DNTTIP2: variants seen among roughly 807,000 people sequenced by gnomAD.
DNTTIP2 encodes deoxynucleotidyltransferase terminal interacting protein 2.
In DNTTIP2, 47 loss-of-function variants were observed where a neutral mutation model predicts 62.4. That is an observed-to-expected ratio of 0.75 (90% CI 0.60 to 0.96). The LOEUF (loss-of-function observed/expected upper bound fraction) is 0.96, where lower values mean the gene tolerates loss of function less well. Among genes scored for constraint, DNTTIP2 ranks in the 40% least tolerant of loss-of-function variants. DNTTIP2 has a pLI of 0.00. For missense variants in DNTTIP2, 870 were observed against 849.1 expected, an observed-to-expected ratio of 1.02 and a Z score of -0.31; for synonymous variants, 322 against 300.9, an observed-to-expected ratio of 1.07 and a Z score of -0.73.
In DNTTIP2 at chr1:93,876,617, A is replaced by G; in HGVS notation, c.1318T>C (p.Ser440Pro). 1 of 1,614,016 alleles carries G rather than the reference A, an allele frequency of 6.2e-7. No individual in the cohort carries two copies. Among genetic ancestry groups the G allele is most frequent in the Non-Finnish European group, 8.5e-7 (1 of 1,179,898 alleles). The part of the protein sequence containing the change: ...APNTSQGKDN[S>P]VLLVLSSDES... The stretch of plus-strand genomic sequence containing the variant: ...TCACTGCTGAGAACTAGTAAGACAG[A>G]ATTATCTTTACCCTGAGATGTGTTG... The change falls in exon 2 of 7, where the codon TCT (serine) becomes CCT (proline). Residue 440 changes from serine to proline, a missense_variant. Transcript: ENST00000436063.
In DNTTIP2 at chr1:93,870,773, T is replaced by C. The variant is rs781749324; in HGVS notation, c.2087A>G (p.Asn696Ser). The C allele has an allele frequency of 2.6e-6, 4 of 1,559,468 alleles. No homozygotes were observed. Among genetic ancestry groups the C allele is most frequent in the Non-Finnish European group, 3.5e-6 (4 of 1,148,882 alleles). Residue 696 changes from asparagine (N) to serine (S), a missense_variant, in exon 6 of 7, where the codon AAT (asparagine) becomes AGT (serine). Coordinates refer to ENST00000436063, the MANE Select transcript of DNTTIP2 (RefSeq NM_014597.5). Reference sequence around the variant, plus strand: ...TCGTGAATGGTAGAAATCAGCTGGATTGTCAACAATGGTTCCAATCTGTGA... The same window carrying C: ...TCGTGAATGGTAGAAATCAGCTGGACTGTCAACAATGGTTCCAATCTGTGA... ...KYFQIGTIVDNPADFYHSRIP... is the reference protein window; with the variant it reads ...KYFQIGTIVDSPADFYHSRIP...
In DNTTIP2 at chr1:93,869,545, T is replaced by C. The variant is rs191809334; in HGVS notation, c.*306A>G. On this transcript the variant is annotated 3_prime_UTR_variant, in exon 7 of 7. Transcript: ENST00000436063. ...TTAGCAAACTTTATACTTCCTATCT[T>C]TTAATTAAATTTTCTTTAAATAACT... 1.2e-5 allele frequency: 3 copies of C among 247,840 alleles called. No individual in the cohort carries two copies. The highest frequency in any genetic ancestry group is 4.5e-5 in the African/African-American group (2 of 44,298). 15.4% of individuals were successfully genotyped at this position (247,840 alleles called of 1,614,324 possible).
At position 93,866,747 on chromosome 1, in the gene DNTTIP2, A is replaced by G. The variant is rs1455281439; in HGVS notation, c.*3104T>C. 6.6e-6 allele frequency: 1 copy of G among 152,200 alleles called. No individual in the cohort carries two copies. Among genetic ancestry groups the G allele is most frequent in the African/African-American group, 2.4e-5 (1 of 41,440 alleles). The allele number at this position is 152,200 out of a possible 1,614,324, so 9.4% of individuals were successfully genotyped here. ...GTTTCTCTAGAGCAGTTGGTTTATC[A>G]TACAGCAGAACACTGAACACAGAAC... On this transcript the variant is annotated 3_prime_UTR_variant, in exon 7 of 7. Coordinates refer to ENST00000436063, the MANE Select transcript of DNTTIP2 (RefSeq NM_014597.5).
rs755451451 is a variant in DNTTIP2 at position 93,873,163 on chromosome 1, G to A, written c.1858C>T (p.Pro620Ser). The A allele has an allele frequency of 5.0e-6, 8 of 1,612,526 alleles. No individual in the cohort carries two copies. The Middle Eastern group carries it at 8.3e-4, about 166-fold the overall frequency. Residue 620 changes from proline (P) to serine (S), a missense_variant, in exon 4 of 7, where the codon CCA (proline) becomes TCA (serine). By Grantham distance (74) the Pro-to-Ser change is moderately conservative. Transcript: ENST00000436063. ...TPDFEKNHCVPPYSESKYQLQ... is the reference protein window; with the variant it reads ...TPDFEKNHCVSPYSESKYQLQ... ...TGATACTTTGATTCACTATATGGTG[G>A]AACACAGTGGTTTTTTTCAAAATCA...
chr1:93,873,440 A>G lies in DNTTIP2; in HGVS notation c.1807-226T>C, dbSNP rs541630129. The G allele has an allele frequency of 4.4e-4, 161 of 369,302 alleles. 1 individual carries two copies. The Middle Eastern group carries it at 5.0e-3, about 12-fold the overall frequency. The allele number at this position is 369,302 out of a possible 1,614,324, so 22.9% of individuals were successfully genotyped here. A position where few individuals can be genotyped will look rare whatever the true frequency, so the allele number is the denominator to read the frequency against. ...GACCCTGACTGTAAAAAAAAAAAAA[A>G]AAAGAAAAGAAATTAGTTGGGCATG... is the stretch of plus-strand genomic sequence containing the variant. On this transcript the variant is annotated intron_variant, in intron 3 of 6. Coordinates refer to ENST00000436063, the MANE Select transcript of DNTTIP2 (RefSeq NM_014597.5).
rs746122467 is a variant in DNTTIP2 at position 93,877,617 on chromosome 1, T to C, written c.318A>G (p.Val106=). The C allele has an allele frequency of 5.6e-6, 9 of 1,613,918 alleles. No individual in the cohort carries two copies. The African/African-American group carries it at 1.1e-4, about 19-fold the overall frequency. ...CAATTAAGATCTGCCTTCTCCTAGT[T>C]ACCCTTAAAATGGTATCATGGTGCT... ...VSEHHDTILR[V]TRRRQILIAC... The change falls in exon 2 of 7, where the codon GTA becomes GTG. Residue 106 remains valine, a synonymous_variant. Transcript: ENST00000436063.
In DNTTIP2 at chr1:93,876,756, A is replaced by C. The variant is rs1571185663; in HGVS notation, c.1179T>G (p.Asp393Glu). ...CTTCTTCATCATCACTACCACCACA[A>C]TCACCAAACTTTGTCAAGTCACTTG... The part of the protein sequence containing the change: ...IKASDLTKFG[D>E]CGGSDDEEES... Residue 393 changes from aspartate to glutamate, a missense_variant, in exon 2 of 7, where the codon GAT becomes GAG. Coordinates refer to ENST00000436063, the MANE Select transcript of DNTTIP2 (RefSeq NM_014597.5). 6.2e-7 allele frequency: 1 copy of C among 1,613,942 alleles called. No individual in the cohort carries two copies.
Position 93,867,580 on chromosome 1 carries a change from C to CA in DNTTIP2, c.*2270dup, listed in dbSNP as rs1198583847. The CA allele has an allele frequency of 0.039, 3,101 of 80,070 alleles. 94 individuals are homozygous for CA. Among genetic ancestry groups the CA allele is most frequent in the African/African-American group, 0.11 (2,634 of 23,090 alleles). The allele number at this position is 80,070 out of a possible 1,614,324, so 5.0% of individuals were successfully genotyped here. A position where few individuals can be genotyped will look rare whatever the true frequency, so the allele number is the denominator to read the frequency against. On this transcript the variant is annotated 3_prime_UTR_variant, in exon 7 of 7. Coordinates refer to ENST00000436063, the MANE Select transcript of DNTTIP2 (RefSeq NM_014597.5). ...ACCTGGGTGATGGAGTGAGACGTCTCAAAAAAAAAAAAAAAAGTTCCAGTA... is the reference window on the plus strand; with the variant it reads ...ACCTGGGTGATGGAGTGAGACGTCTCAAAAAAAAAAAAAAAAAGTTCCAGTA...
rs1333371821 is a variant in DNTTIP2 at position 93,868,930 on chromosome 1, T to C, written c.*921A>G. 1 of 151,486 alleles carries C rather than the reference T, an allele frequency of 6.6e-6. No individual in the cohort carries two copies. Among genetic ancestry groups the C allele is most frequent in the East Asian group, 1.9e-4 (1 of 5,172 alleles). 9.4% of individuals were successfully genotyped at this position (151,486 alleles called of 1,614,324 possible). On this transcript the variant is annotated 3_prime_UTR_variant, in exon 7 of 7. Transcript: ENST00000436063. ...GGTTGATGGGTGCAGCAAACCACCA[T>C]GGCACGTGTATACCTATGTAACCTG...
chr1:93,876,657 T>G lies in DNTTIP2; in HGVS notation c.1278A>C (p.Leu426=), dbSNP rs778149015. Residue 426 remains leucine, a synonymous_variant, in exon 2 of 7, where the codon CTA becomes CTC. Coordinates refer to ENST00000436063, the MANE Select transcript of DNTTIP2 (RefSeq NM_014597.5). Reference sequence around the variant, plus strand: ...GAGATGTGTTGGGCGCAGACGTGTATAGTTTGGTATCACATTCAAAATCTA... The same window carrying G: ...GAGATGTGTTGGGCGCAGACGTGTAGAGTTTGGTATCACATTCAAAATCTA... ...GNVDFECDTK[L]YTSAPNTSQG... The G allele has an allele frequency of 6.2e-7, 1 of 1,613,922 alleles. No individual in the cohort carries two copies.
rs183792726 is a variant in DNTTIP2, at chr1:93,866,532, C to G, written c.*3319G>C. On this transcript the variant is annotated 3_prime_UTR_variant, in exon 7 of 7. Coordinates refer to ENST00000436063, the MANE Select transcript of DNTTIP2 (RefSeq NM_014597.5). ...CTGGTACATCTCTCAGAAATGTTAA[C>G]TTTTTTTTCCCATTATGGTATTTTC... The G allele has an allele frequency of 6.6e-6, 1 of 152,036 alleles. No homozygotes were observed. The highest frequency in any genetic ancestry group is 1.5e-5 in the Non-Finnish European group (1 of 68,010). The allele number at this position is 152,036 out of a possible 1,614,324, so 9.4% of individuals were successfully genotyped here.
At chr1:93,878,987 C>A in intron 1 of DNTTIP2, 90 bp downstream of exon 1, 4 of 1,522,020 alleles carry the variant, frequency 2.6e-6, no homozygotes, top group Non-Finnish European at 3.5e-6. Context: ...GTCGGCAGGT[C>A]CTCACCCTTA....
Position 93,877,281 on chromosome 1 carries a change from A to G in DNTTIP2, c.654T>C (p.Asp218=), listed in dbSNP as rs751249300. 13 of 1,613,648 alleles carry G rather than the reference A, an allele frequency of 8.1e-6. No individual in the cohort carries two copies. Among genetic ancestry groups the G allele is most frequent in the Non-Finnish European group, 1.1e-5 (13 of 1,179,760 alleles). The change falls in exon 2 of 7, where the codon GAT becomes GAC. Residue 218 remains aspartate (D), a synonymous_variant. Coordinates refer to ENST00000436063, the MANE Select transcript of DNTTIP2 (RefSeq NM_014597.5). ...TCTCATTTCCTGGTACAATCTTACTATCTTTCTTTTCAGTTTGTGCCTTTA... is the reference window on the plus strand; with the variant it reads ...TCTCATTTCCTGGTACAATCTTACTGTCTTTCTTTTCAGTTTGTGCCTTTA... The part of the protein sequence containing the change: ...RKLKAQTEKK[D]SKIVPGNEKQ...
chr1:93,872,742 A>G (rs1655899611), intron 4 of DNTTIP2, among the ~76,000 whole-genome samples: 1 of 152,204 alleles, frequency 6.6e-6, no homozygotes, highest in Non-Finnish European at 1.5e-5. Context: ...TTTCATTCAT[A>G]CAACAAGTAT....
chr1:93,869,999 T>C (rs1276455992), intron 6 of DNTTIP2, 55 bp from the exon 7 acceptor site: 4 of 743,466 alleles, frequency 5.4e-6, no homozygotes, highest in Admixed American at 1.9e-5. Flanking sequence ...TAGAAGTTAA[T>C]ATAACCTTAG....
chr1:93,878,893 A>C (rs1041805026), intron 1 of DNTTIP2, 184 bp downstream of exon 1: 1 of 710,264 alleles, frequency 1.4e-6, no homozygotes, highest in Non-Finnish European at 2.3e-6. Context: ...CTTAAGAGAC[A>C]GTGGTGAAGG....
rs370433009 is a variant in DNTTIP2, at chr1:93,877,413, T to G, written c.522A>C (p.Pro174=). 129 of 1,613,762 alleles carry G rather than the reference T, an allele frequency of 8.0e-5. No individual in the cohort carries two copies. The highest frequency in any genetic ancestry group is 1.1e-4 in the Non-Finnish European group (126 of 1,179,904). ...RRSKAKSLTD[P]SQESHTEAIS... is the part of the protein sequence containing the mutation. ...TAGCTTCTGTATGAGATTCTTGGCT[T>G]GGATCTGTCAGAGATTTAGCCTTAC... Residue 174 remains proline, a synonymous_variant, in exon 2 of 7, where the codon CCA becomes CCC. Transcript: ENST00000436063.
rs113575114 is a variant in DNTTIP2 at position 93,874,140 on chromosome 1, G to A, written c.1807-926C>T. Reference sequence around the variant, plus strand: ...ATATTTACTTAACAAATGATTAAGAGTTTGCTGTGAGTCAAGTACTGTAGT... The same window carrying A: ...ATATTTACTTAACAAATGATTAAGAATTTGCTGTGAGTCAAGTACTGTAGT... On this transcript the variant is annotated intron_variant, in intron 3 of 6. Transcript: ENST00000436063. Among the ~76,000 whole-genome samples the A allele has an allele frequency of 9.5e-4, 145 of 152,318 alleles. 3 individuals carry two copies. Among genetic ancestry groups the A allele is most frequent in the African/African-American group, 3.4e-3 (140 of 41,570 alleles).
rs1471964262 is a variant in DNTTIP2 at position 93,869,649 on chromosome 1, A to G, written c.*202T>C. 1 of 488,646 alleles carries G rather than the reference A, an allele frequency of 2.0e-6. No homozygotes were observed. Among genetic ancestry groups the G allele is most frequent in the African/African-American group, 2.0e-5 (1 of 50,956 alleles). 30.3% of individuals were successfully genotyped at this position (488,646 alleles called of 1,614,324 possible). A position where few individuals can be genotyped will look rare whatever the true frequency, so the allele number is the denominator to read the frequency against. On this transcript the variant is annotated 3_prime_UTR_variant, in exon 7 of 7. Transcript: ENST00000436063. Reference sequence around the variant, plus strand: ...TTTCCTTTTTTCCCATAAAGAGTCTACACCAGGGTGGGTCTTTTAGACACC... The same window carrying G: ...TTTCCTTTTTTCCCATAAAGAGTCTGCACCAGGGTGGGTCTTTTAGACACC...
Sources: allele counts gnomAD v4.1 joint callset (sites outside exome capture counted in the v4.1 genomes callset), GRCh38; gene constraint gnomAD v4.1.1; transcripts MANE v1.5; gene names NCBI Gene and HGNC (gene_info 2026-07-23, HGNC 2026-07-21).